ERC1: variants seen among roughly 807,000 people sequenced by gnomAD.
ERC1 encodes the protein ELKS/RAB6-interacting/CAST family member 1.
Under a neutral mutation model 132.0 loss-of-function variants are expected in ERC1, and 56 were observed. The observed-to-expected ratio is 0.42, with a 90% CI of 0.34 to 0.53. The LOEUF (loss-of-function observed/expected upper bound fraction) is 0.53. Ranked by LOEUF, ERC1 falls within the 20% of genes least tolerant of loss-of-function variation. ERC1 has a pLI of 0.03. For synonymous variants in ERC1, 478 were observed against 476.1 expected (o/e 1.00, Z -0.05); for missense variants, 1,202 against 1,349.9 (o/e 0.89, Z 1.72).
intron 15 of ERC1, among the ~76,000 whole-genome samples, chr12:1,293,592 G>A (rs1463125681): frequency 6.7e-6 from 1 of 149,470 alleles, no homozygotes; most frequent in Non-Finnish European, 1.5e-5. Context: ...TCGTGCCATT[G>A]CACTCCCGCC....
intron 16 of ERC1, among the ~76,000 whole-genome samples, chr12:1,387,548 C>T (rs1028460786): frequency 6.6e-6 from 1 of 152,172 alleles, no homozygotes; most frequent in Non-Finnish European, 1.5e-5. Context: ...CCAGGTGGGG[C>T]CCTAACCCTA....
At chr12:1,060,025 T>A (rs1973699564) in intron 2 of ERC1, among the ~76,000 whole-genome samples, 1 of 152,224 alleles carries the variant, frequency 6.6e-6, no homozygotes, top group Non-Finnish European at 1.5e-5. Context: ...CTTGGTGTTG[T>A]TCTGTTCAGG....
At chr12:1,189,652 C>T (rs1955507460) in intron 11 of ERC1, among the ~76,000 whole-genome samples, 2 of 152,166 alleles carry the variant, frequency 1.3e-5, no homozygotes, top group African/African-American at 4.8e-5. Context: ...AACAACTAAT[C>T]TACTTGGAAC....
chr12:1,386,538 C>G (rs1346319965), intron 16 of ERC1: 2 of 150,160 alleles, frequency 1.3e-5, no homozygotes, highest in Non-Finnish European at 2.9e-5. Context: ...ATCCCAGCTA[C>G]TCCAGAGGCT....
chr12:1,347,260 G>A (rs551619522), intron 15 of ERC1, among the ~76,000 whole-genome samples: 21 of 152,108 alleles, frequency 1.4e-4, no homozygotes, highest in Non-Finnish European at 2.4e-4. Context: ...GAAGTTGATC[G>A]CTTCTTGGCC....
intron 17 of ERC1, among the ~76,000 whole-genome samples, chr12:1,424,870 A>ATAGG: frequency 7.1e-6 from 1 of 140,638 alleles, no homozygotes; most frequent in Middle Eastern, 3.6e-3. Flanking sequence ...AGATCGATAG[A>ATAGG]TAGATAGATA....
chr12:989,975 T>C (rs1378918720), upstream of ERC1: 1 of 152,050 alleles, frequency 6.6e-6, no homozygotes, highest in African/African-American at 2.4e-5. Flanking sequence ...TAGTCATATG[T>C]GGGAAGTACT....
At chr12:1,284,662 G>A (rs1042615220) in intron 14 of ERC1, among the ~76,000 whole-genome samples, 1 of 152,020 alleles carries the variant, frequency 6.6e-6, no homozygotes, top group Non-Finnish European at 1.5e-5. Flanking sequence ...TCTCATTGTG[G>A]GGTTTTTTTA....
At chr12:1,034,213 ATGTAT>A (rs1968625220) in intron 2 of ERC1, among the ~76,000 whole-genome samples, 1 of 152,134 alleles carries the variant, frequency 6.6e-6, no homozygotes, top group Non-Finnish European at 1.5e-5. Context: ...ACAATTTCAA[ATGTAT>A]TGTTAATAAA....
chr12:1,037,324 A>C (rs1412383792), intron 2 of ERC1, among the ~76,000 whole-genome samples: 1 of 152,174 alleles, frequency 6.6e-6, no homozygotes, highest in East Asian at 1.9e-4. Flanking sequence ...ATTTACAGCA[A>C]ATTTGCAGAT....
At chr12:1,034,884 C>T (rs1332601549) in intron 2 of ERC1, among the ~76,000 whole-genome samples, 2 of 152,100 alleles carry the variant, frequency 1.3e-5, no homozygotes, top group African/African-American at 4.8e-5. Context: ...TGAAACAGTC[C>T]ACAGGATTTT....
intron 2 of ERC1, among the ~76,000 whole-genome samples, chr12:1,082,035 T>C (rs1022227440): frequency 2.6e-5 from 4 of 152,052 alleles, no homozygotes; most frequent in African/African-American, 9.7e-5. Flanking sequence ...TGCTTGTTTG[T>C]TTGTTTGTTT....
intron 15 of ERC1, among the ~76,000 whole-genome samples, chr12:1,339,945 C>T (rs55835085): frequency 0.21 from 31,827 of 152,138 alleles, 3,863 homozygotes; most frequent in Non-Finnish European, 0.28. Context: ...CACATGCACA[C>T]TGGCAGGGCA....
At chr12:1,108,170 C>T (rs1945464444) in intron 4 of ERC1, among the ~76,000 whole-genome samples, 1 of 152,092 alleles carries the variant, frequency 6.6e-6, no homozygotes, top group Admixed American at 6.6e-5. Flanking sequence ...CAGTACCTGC[C>T]TCCTGGTTTT....
At chr12:1,167,101 T>C (rs560688153) in intron 8 of ERC1, among the ~76,000 whole-genome samples, 30 of 152,298 alleles carry the variant, frequency 2.0e-4, no homozygotes, top group African/African-American at 7.0e-4. Context: ...GAGCACACAT[T>C]TTAAACTTGA....
chr12:1,298,204 G>C (rs1310319119), intron 15 of ERC1, among the ~76,000 whole-genome samples: 1 of 152,154 alleles, frequency 6.6e-6, no homozygotes, highest in East Asian at 1.9e-4. Flanking sequence ...CATGTTGTTA[G>C]CTGTAGAGCA....
chr12:995,267 T>A (rs964016778), intron 1 of ERC1, among the ~76,000 whole-genome samples: 11 of 151,928 alleles, frequency 7.2e-5, no homozygotes, highest in Non-Finnish European at 1.6e-4. Flanking sequence ...CTCAAATAAA[T>A]AATAAATAAA....
intron 1 of ERC1, among the ~76,000 whole-genome samples, chr12:996,357 C>G (rs1024229173): frequency 6.7e-6 from 1 of 149,726 alleles, no homozygotes; most frequent in African/African-American, 2.5e-5. Flanking sequence ...GCGCCTTGGC[C>G]TCTCAGAGTG....
At chr12:1,150,696 C>T (rs145531271) in intron 8 of ERC1, among the ~76,000 whole-genome samples, 1 of 152,288 alleles carries the variant, frequency 6.6e-6, no homozygotes, top group Non-Finnish European at 1.5e-5. Context: ...AAATGCACAA[C>T]CCCAGTCCAA....
Sources: gnomAD v4.1 joint callset for allele counts (sites outside exome capture counted in the v4.1 genomes callset) on GRCh38, gnomAD v4.1.1 for gene constraint, MANE v1.5 for transcripts, NCBI Gene and HGNC (gene_info 2026-07-23, HGNC 2026-07-21) for gene names.